The following FAF1 variants were observed in gnomAD, a reference collection of about 807,000 sequenced individuals.
FAF1 encodes the protein Fas associated factor 1.
FAF1 carries 25 observed loss-of-function variants against 92.5 expected under a neutral mutation model. The observed-to-expected ratio is 0.27, with a 90% CI of 0.20 to 0.38. FAF1 has a LOEUF of 0.38. Ranked by LOEUF, FAF1 falls within the 10% of genes least tolerant of loss-of-function variation. The pLI, the probability that FAF1 is intolerant of heterozygous loss-of-function variation, is 1.00. For missense variants in FAF1, 636 were observed against 793.3 expected (o/e 0.80, Z 2.38); for synonymous variants, 234 against 273.2 (o/e 0.86, Z 1.42).
chr1:50,617,796 T>C (rs1033842715), intron 8 of FAF1, among the ~76,000 whole-genome samples: 1 of 152,012 alleles, frequency 6.6e-6, no homozygotes, highest in Admixed American at 6.5e-5. Context: ...CAGTGCTTTT[T>C]TTGGTTGGCA....
chr1:50,636,606 T>A (rs910739663), intron 8 of FAF1, among the ~76,000 whole-genome samples: 1 of 152,134 alleles, frequency 6.6e-6, no homozygotes, highest in Non-Finnish European at 1.5e-5. Context: ...TCCACCTGCC[T>A]TGGCCTCCCA....
chr1:50,940,271 T>C (rs1272744798), intron 1 of FAF1, among the ~76,000 whole-genome samples: 1 of 152,216 alleles, frequency 6.6e-6, no homozygotes, highest in Non-Finnish European at 1.5e-5. Flanking sequence ...AAAAAGTTAT[T>C]TCATATCATC....
At chr1:50,814,186 A>C (rs1167755093) in intron 2 of FAF1, among the ~76,000 whole-genome samples, 1 of 152,200 alleles carries the variant, frequency 6.6e-6, no homozygotes, top group Non-Finnish European at 1.5e-5. Flanking sequence ...ACAACTCTAT[A>C]CTAATATGCA....
chr1:50,462,447 G>A (rs957386906), intron 18 of FAF1: 1 of 152,038 alleles, frequency 6.6e-6, no homozygotes, highest in Admixed American at 6.6e-5. Flanking sequence ...ACTGAGGAGA[G>A]GTAATATTAA....
intron 1 of FAF1, among the ~76,000 whole-genome samples, chr1:50,863,153 A>G (rs1570068578): frequency 6.6e-6 from 1 of 152,034 alleles, no homozygotes; most frequent in East Asian, 1.9e-4. Flanking sequence ...AATCAAAATT[A>G]TATCAAGTAT....
chr1:50,887,793 G>C lies in FAF1; in HGVS notation c.46-29796C>G, dbSNP rs141582064. Among the ~76,000 whole-genome samples, 150 of 152,316 alleles carry C rather than the reference G, an allele frequency of 9.8e-4. 1 individual carries two copies. The highest frequency in any genetic ancestry group is 3.6e-3 in the African/African-American group (148 of 41,560). ...TTGGTTACTGTAGCTTTGCAGTATA[G>C]TTTCAAGTCAGGTAACATGATGCCT... On this transcript the variant is annotated intron_variant, in intron 1 of 18. Transcript: ENST00000396153.
intron 1 of FAF1, among the ~76,000 whole-genome samples, chr1:50,953,238 C>T (rs1285156907): frequency 1.3e-5 from 2 of 151,974 alleles, no homozygotes; most frequent in Non-Finnish European, 2.9e-5. Context: ...CTCAAGTACC[C>T]AGGGACACAA....
At chr1:50,926,011 T>G (rs1282290733) in intron 1 of FAF1, among the ~76,000 whole-genome samples, 1 of 151,948 alleles carries the variant, frequency 6.6e-6, no homozygotes, top group Non-Finnish European at 1.5e-5. Context: ...AGGCCAGGAG[T>G]TGAAGACCAG....
intron 1 of FAF1, among the ~76,000 whole-genome samples, chr1:50,944,296 G>A (rs992591325): frequency 5.3e-5 from 8 of 152,190 alleles, no homozygotes; most frequent in Non-Finnish European, 1.2e-4. Context: ...AATTTAATGT[G>A]ATAACAACAA....
chr1:50,599,777 T>C (rs1450211956), intron 8 of FAF1, among the ~76,000 whole-genome samples: 3 of 152,276 alleles, frequency 2.0e-5, no homozygotes, highest in East Asian at 3.9e-4. Flanking sequence ...CCATTACTAC[T>C]TAAACAAATG....
chr1:50,621,391 CTTTTTTTTTTTTTTTT>C (rs36053834), intron 8 of FAF1, among the ~76,000 whole-genome samples: 2 of 89,216 alleles, frequency 2.2e-5, no homozygotes, highest in African/African-American at 4.7e-5. Flanking sequence ...TTCTTTTTTT[CTTTTTTTTTTTTTTTT>C]TTTTTTTTTT....
chr1:50,590,972 ACT>A (rs1205298408), intron 9 of FAF1, among the ~76,000 whole-genome samples: 1 of 149,774 alleles, frequency 6.7e-6, no homozygotes, highest in Admixed American at 6.7e-5. Context: ...ACAGAGCGAG[ACT>A]CTGTCTCCAA....
At chr1:50,824,936 TA>T (rs1247581315) in intron 2 of FAF1, among the ~76,000 whole-genome samples, 1 of 151,782 alleles carries the variant, frequency 6.6e-6, no homozygotes, top group African/African-American at 2.4e-5. Flanking sequence ...ATGGGAGGGA[TA>T]GGGGAGGTTG....
intron 9 of FAF1, among the ~76,000 whole-genome samples, chr1:50,586,029 A>G (rs1262262094): frequency 6.6e-6 from 1 of 152,034 alleles, no homozygotes; most frequent in Non-Finnish European, 1.5e-5. Flanking sequence ...CTCTAGCCTG[A>G]GTGACAGAGT....
intron 8 of FAF1, among the ~76,000 whole-genome samples, chr1:50,629,586 A>G (rs1197818322): frequency 1.3e-5 from 2 of 152,214 alleles, no homozygotes; most frequent in Non-Finnish European, 2.9e-5. Context: ...GAAATAATTT[A>G]TGGTATAGTA....
chr1:50,650,656 AAG>A (rs773300655), intron 8 of FAF1, among the ~76,000 whole-genome samples: 38 of 152,172 alleles, frequency 2.5e-4, no homozygotes, highest in Non-Finnish European at 4.3e-4. Context: ...AAAAAACTGA[AAG>A]AGTTTTCTTT....
At chr1:50,515,529 G>A (rs1268015063) in intron 15 of FAF1, among the ~76,000 whole-genome samples, 1 of 152,116 alleles carries the variant, frequency 6.6e-6, no homozygotes, top group Non-Finnish European at 1.5e-5. Context: ...AGTTTGAAAA[G>A]CACGGTAGTT....
At chr1:50,566,639 C>T (rs375018164) in intron 13 of FAF1, among the ~76,000 whole-genome samples, 4 of 151,984 alleles carry the variant, frequency 2.6e-5, no homozygotes, top group East Asian at 1.9e-4. Context: ...TTAGCATATG[C>T]TAGAGTTAAG....
At chr1:50,464,760 G>A (rs1050553744) in intron 18 of FAF1, among the ~76,000 whole-genome samples, 1 of 152,156 alleles carries the variant, frequency 6.6e-6, no homozygotes, top group Non-Finnish European at 1.5e-5. Context: ...ATTTATCTGT[G>A]AGGACACATG....
Sources: gnomAD v4.1 joint callset for allele counts (sites outside exome capture counted in the v4.1 genomes callset) on GRCh38, gnomAD v4.1.1 for gene constraint, MANE v1.5 for transcripts, NCBI Gene and HGNC (gene_info 2026-07-23, HGNC 2026-07-21) for gene names.